The following TRAK1 variants were observed in gnomAD, a reference collection of about 807,000 sequenced individuals.
TRAK1 encodes trafficking kinesin protein 1.
A neutral mutation model predicts 92.1 loss-of-function variants in TRAK1; 33 were observed. The ratio of observed to expected loss-of-function variants is 0.36; its 90% CI spans 0.27 to 0.48. TRAK1 has a LOEUF of 0.48. TRAK1 is among the 20% of genes least tolerant of loss of function. The pLI, the probability that TRAK1 is intolerant of heterozygous loss-of-function variation, is 0.99. For missense variants in TRAK1, 1,123 were observed against 1,257.9 expected, an observed-to-expected ratio of 0.89 and a Z score of 1.62; for synonymous variants, 521 against 517.3, an observed-to-expected ratio of 1.01 and a Z score of -0.10.
intron 1 of TRAK1, among the ~76,000 whole-genome samples, chr3:42,122,305 C>T (rs1416222204): frequency 6.6e-6 from 1 of 151,596 alleles, no homozygotes; most frequent in Admixed American, 6.6e-5. Flanking sequence ...GAAGCATGCT[C>T]ATAAGTGAGA....
At chr3:42,135,197 T>C (rs1487976752) in intron 2 of TRAK1, among the ~76,000 whole-genome samples, 1 of 152,222 alleles carries the variant, frequency 6.6e-6, no homozygotes, top group Non-Finnish European at 1.5e-5. Context: ...TATGCTCATT[T>C]CACCTACTGT....
intron 1 of TRAK1, among the ~76,000 whole-genome samples, chr3:42,038,526 C>A (rs577438205): frequency 7.9e-5 from 12 of 152,310 alleles, no homozygotes; most frequent in African/African-American, 2.9e-4. Flanking sequence ...TGGCTCGCGC[C>A]TGTAATCCCA....
intron 1 of TRAK1, among the ~76,000 whole-genome samples, chr3:42,096,798 A>C (rs963893577): frequency 4.6e-5 from 7 of 152,146 alleles, no homozygotes; most frequent in African/African-American, 1.7e-4. Context: ...GCCCCCATTG[A>C]TGGGTGCTGT....
intron 1 of TRAK1, among the ~76,000 whole-genome samples, chr3:42,109,063 G>GAA (rs1349383208): frequency 6.6e-6 from 1 of 152,162 alleles, no homozygotes; most frequent in African/African-American, 2.4e-5. Context: ...GGCTCTGTTA[G>GAA]AAAACCGGTT....
chr3:42,053,506 T>C, intron 1 of TRAK1, among the ~76,000 whole-genome samples: 1 of 151,798 alleles, frequency 6.6e-6, no homozygotes, highest in Admixed American at 6.6e-5. Context: ...AGGGCCCCAT[T>C]CTGTGGTATG....
chr3:42,161,559 A>AT (rs1028683437), intron 2 of TRAK1, among the ~76,000 whole-genome samples: 10 of 151,514 alleles, frequency 6.6e-5, no homozygotes, highest in African/African-American at 2.4e-4. Context: ...AATTTTTAAA[A>AT]TTTTTTGGTA....
At chr3:42,186,838 TA>T (rs1704939884) in intron 4 of TRAK1, among the ~76,000 whole-genome samples, 1 of 152,254 alleles carries the variant, frequency 6.6e-6, no homozygotes, top group Admixed American at 6.5e-5. Flanking sequence ...GTGTCGAAGC[TA>T]AAACTTTTAT....
chr3:42,160,726 AATT>A lies in TRAK1; in HGVS notation c.287-16082_287-16080del, dbSNP rs562575706. Among the ~76,000 whole-genome samples, 747 of 152,046 alleles carry A rather than the reference AATT, an allele frequency of 4.9e-3. 6 individuals are homozygous for A. Among genetic ancestry groups the A allele is most frequent in the Middle Eastern group, 0.037 (11 of 294 alleles). ...AGTTTACATCTACCTTCCCAGAAAC[AATT>A]ATTATGACTTCTGTCACCTTAGATT... On this transcript the variant is annotated intron_variant, in intron 2 of 15. Coordinates refer to ENST00000327628, the MANE Select transcript of TRAK1 (RefSeq NM_001042646.3).
chr3:42,131,328 C>A (rs1234248345), intron 2 of TRAK1, among the ~76,000 whole-genome samples: 1 of 152,150 alleles, frequency 6.6e-6, no homozygotes, highest in East Asian at 1.9e-4. Context: ...TCTCTCTGGA[C>A]AGTCTTTCCA....
At chr3:42,158,471 CTTA>C (rs1219192734) in intron 2 of TRAK1, among the ~76,000 whole-genome samples, 5 of 151,874 alleles carry the variant, frequency 3.3e-5, no homozygotes, top group Non-Finnish European at 7.4e-5. Context: ...TCCGATAAAG[CTTA>C]TTAATATTAA....
chr3:42,103,698 C>G (rs1707127223), intron 1 of TRAK1, among the ~76,000 whole-genome samples: 2 of 152,030 alleles, frequency 1.3e-5, no homozygotes, highest in Non-Finnish European at 2.9e-5. Flanking sequence ...GAGTTTGAGA[C>G]CAGATCCAGG....
At chr3:42,114,979 C>T (rs1252022198) in intron 1 of TRAK1, among the ~76,000 whole-genome samples, 1 of 152,158 alleles carries the variant, frequency 6.6e-6, no homozygotes, top group Admixed American at 6.5e-5. Context: ...TACCAAAGTG[C>T]TAGGATTACA....
intron 1 of TRAK1, among the ~76,000 whole-genome samples, chr3:42,113,993 T>C (rs1708836529): frequency 6.6e-6 from 1 of 152,218 alleles, no homozygotes; most frequent in African/African-American, 2.4e-5. Context: ...ACATTGTCCC[T>C]TTCCCTTAGC....
chr3:42,054,904 ATTTTTTTTTT>A (rs1157067369), intron 1 of TRAK1, among the ~76,000 whole-genome samples: 25 of 37,098 alleles, frequency 6.7e-4, no homozygotes, highest in South Asian at 1.7e-3. Context: ...AGCAAACTAG[ATTTTTTTTTT>A]TTTTTTTTTT....
intron 2 of TRAK1, among the ~76,000 whole-genome samples, chr3:42,169,353 C>T (rs575063988): frequency 6.6e-6 from 1 of 152,036 alleles, no homozygotes; most frequent in African/African-American, 2.4e-5. Flanking sequence ...TTTATTCATT[C>T]ACCAATTGAT....
intron 9 of TRAK1, among the ~76,000 whole-genome samples, chr3:42,194,193 G>A (rs988055620): frequency 1.3e-5 from 2 of 152,148 alleles, no homozygotes; most frequent in African/African-American, 4.8e-5. Flanking sequence ...TCTGGGAGAG[G>A]AATCTCACAG....
At chr3:42,179,725 T>C (rs1286958873) in intron 3 of TRAK1, among the ~76,000 whole-genome samples, 1 of 152,264 alleles carries the variant, frequency 6.6e-6, no homozygotes, top group East Asian at 1.9e-4. Context: ...TAAAGCATAG[T>C]GAGGAGAGGG....
intron 2 of TRAK1, among the ~76,000 whole-genome samples, chr3:42,144,765 G>A (rs1232239266): frequency 6.6e-6 from 1 of 151,966 alleles, no homozygotes; most frequent in African/African-American, 2.4e-5. Context: ...TCATTAAAAT[G>A]TATTTGTTTC....
Position 42,160,558 on chromosome 3 carries a change from G to A in TRAK1, c.287-16256G>A, listed in dbSNP as rs565141736. On this transcript the variant is annotated intron_variant, in intron 2 of 15. Transcript: ENST00000327628. ...AATGTTTTGCTGATTTCATAGCACTGTTTTGTTTTTGTTTTTTTTTAAGTT... is the reference window on the plus strand; with the variant it reads ...AATGTTTTGCTGATTTCATAGCACTATTTTGTTTTTGTTTTTTTTTAAGTT... The A allele has an allele frequency of 1.6e-3, 1,690 of 1,080,462 alleles. 9 individuals are homozygous for A. Among genetic ancestry groups the A allele is most frequent in the Non-Finnish European group, 1.9e-3 (1,512 of 789,700 alleles). The allele number at this position is 1,080,462 out of a possible 1,614,324, so 66.9% of individuals were successfully genotyped here.
Sources: gnomAD v4.1 joint callset for allele counts (sites outside exome capture counted in the v4.1 genomes callset) on GRCh38, gnomAD v4.1.1 for gene constraint, MANE v1.5 for transcripts, NCBI Gene and HGNC (gene_info 2026-07-23, HGNC 2026-07-21) for gene names.